Variants in BTN2A2 observed in about 807,000 individuals in gnomAD.
The protein encoded by BTN2A2 is butyrophilin subfamily 2 member A2, also known as butyrophilin 2.
A neutral mutation model predicts 34.7 loss-of-function variants in BTN2A2; 29 were observed. The observed-to-expected ratio is 0.84, with a 90% CI of 0.62 to 1.14. The LOEUF (loss-of-function observed/expected upper bound fraction) is 1.14. Among genes scored for constraint, BTN2A2 ranks in the 50% most tolerant of loss-of-function variants. The probability of loss-of-function intolerance (pLI) is 0.00; values close to 1 mark genes in which losing one functional copy is unlikely to be tolerated. For synonymous variants in BTN2A2, 240 were observed against 253.1 expected, an observed-to-expected ratio of 0.95 and a Z score of 0.49; for missense variants, 612 against 651.5, an observed-to-expected ratio of 0.94 and a Z score of 0.66.
Position 26,384,969 on chromosome 6 carries a change from G to A in BTN2A2, c.95-46G>A, listed in dbSNP as rs913548031. The A allele has an allele frequency of 3.2e-6, 5 of 1,574,890 alleles. No homozygotes were observed. The highest frequency in any genetic ancestry group is 4.3e-6 in the Non-Finnish European group (5 of 1,152,502). On this transcript the variant is annotated intron_variant, in intron 2 of 7. Transcript: ENST00000356709. The surrounding 1 kb of genome is among the most constrained non-coding windows in gnomAD (Gnocchi z 4.0). ...TTTTTGTTTTTTGTTTTGCCTTAGAGTTGTGATAACTGGCATCCTTGTCTG... is the reference window on the plus strand; with the variant it reads ...TTTTTGTTTTTTGTTTTGCCTTAGAATTGTGATAACTGGCATCCTTGTCTG...
rs761120469 is a variant in BTN2A2 at position 26,392,398 on chromosome 6, A to G, written c.1003A>G (p.Thr335Ala). 33 of 1,614,006 alleles carry G rather than the reference A, an allele frequency of 2.0e-5. No homozygotes were observed. Among genetic ancestry groups the G allele is most frequent in the African/African-American group, 2.7e-5 (2 of 74,918 alleles). Reference protein sequence around the residue: ...HAADVVLDPDTAHPELFLSED... With the variant: ...HAADVVLDPDAAHPELFLSED... ...AGCTGATGTGGTCCTGGATCCAGAC[A>G]CCGCTCATCCCGAGCTCTTCCTGTC... is the stretch of plus-strand genomic sequence containing the variant. Residue 335 changes from threonine to alanine, a missense_variant, in exon 8 of 8, where the codon ACC becomes GCC. Thr to Ala is a moderately conservative substitution (Grantham distance 58, BLOSUM62 0). Transcript: ENST00000356709.
chr6:26,391,859 T>C, intron 7 of BTN2A2: 2 of 203,114 alleles, frequency 9.8e-6, no homozygotes, highest in South Asian at 2.0e-4. Context: ...GCCACTTAAA[T>C]CAGTTGTCAC....
Position 26,383,989 on chromosome 6 carries a change from A to G in BTN2A2, c.94+74A>G, listed in dbSNP as rs1761026072. The G allele has an allele frequency of 6.7e-7, 1 of 1,503,566 alleles. No individual in the cohort carries two copies. The highest frequency in any genetic ancestry group is 9.3e-7 in the Non-Finnish European group (1 of 1,080,304). The allele number at this position is 1,503,566 out of a possible 1,614,324, so 93.1% of individuals were successfully genotyped here. A position where few individuals can be genotyped will look rare whatever the true frequency, so the allele number is the denominator to read the frequency against. ...AACCCTGTAGTCTGCAAAGGGAAAGAAGGAAGAACTGTGGGGTTGTTGACT... is the reference window on the plus strand; with the variant it reads ...AACCCTGTAGTCTGCAAAGGGAAAGGAGGAAGAACTGTGGGGTTGTTGACT... On this transcript the variant is annotated intron_variant, in intron 2 of 7. Coordinates refer to ENST00000356709, the MANE Select transcript of BTN2A2 (RefSeq NM_006995.5). This position sits in a 1 kb window ranked among gnomAD's most constrained non-coding sequence, Gnocchi z 4.4.
At chr6:26,390,600 G>T in intron 5 of BTN2A2, 87 bp from the exon 6 acceptor site, 1 of 1,543,958 alleles carries the variant, frequency 6.5e-7, no homozygotes, top group South Asian at 1.1e-5. Flanking sequence ...TCATAGAAAG[G>T]ATGGTTCCTA....
intron 3 of BTN2A2, among the ~76,000 whole-genome samples, chr6:26,386,469 C>G (rs988228548): frequency 2.6e-5 from 4 of 152,176 alleles, no homozygotes; most frequent in African/African-American, 9.7e-5. Context: ...CAAATCATAA[C>G]AGGTAGGAGA....
Position 26,385,171 on chromosome 6 carries a change from G to A in BTN2A2, c.251G>A (p.Gly84Asp). Reference sequence around the variant, plus strand: ...TCCCCCGCAGTGTTTGTGTATAAGGGTGGGAGAGAGAGAACAGAGGAGCAG... The same window carrying A: ...TCCCCCGCAGTGTTTGTGTATAAGGATGGGAGAGAGAGAACAGAGGAGCAG... ...QFSPAVFVYK[G>D]GRERTEEQME... The change falls in exon 3 of 8, where the codon GGT (glycine) becomes GAT (aspartate). Residue 84 changes from glycine (G) to aspartate (D), a missense_variant. Coordinates refer to ENST00000356709, the MANE Select transcript of BTN2A2 (RefSeq NM_006995.5). 2.5e-6 allele frequency: 4 copies of A among 1,614,144 alleles called. No homozygotes were observed. The highest frequency in any genetic ancestry group is 3.4e-6 in the Non-Finnish European group (4 of 1,180,030).
chr6:26,388,253 C>T lies in BTN2A2; in HGVS notation c.683C>T (p.Thr228Ile), dbSNP rs1038974337. 7 of 1,614,212 alleles carry T rather than the reference C, an allele frequency of 4.3e-6. No homozygotes were observed. In the South Asian group the frequency reaches 7.7e-5, roughly 18 times the overall value. ...VRNVSCSVNN[T>I]LLGQEKETVI... Reference sequence around the variant, plus strand: ...AATGTGTCCTGCTCTGTCAACAACACCCTGCTCGGCCAGGAGAAGGAAACT... The same window carrying T: ...AATGTGTCCTGCTCTGTCAACAACATCCTGCTCGGCCAGGAGAAGGAAACT... The change falls in exon 4 of 8, where the codon ACC becomes ATC. Residue 228 changes from threonine to isoleucine, a missense_variant. By Grantham distance (89) the Thr-to-Ile change is moderately conservative. Coordinates refer to ENST00000356709, the MANE Select transcript of BTN2A2 (RefSeq NM_006995.5).
chr6:26,386,995 G>A (rs1324214807), intron 3 of BTN2A2, among the ~76,000 whole-genome samples: 1 of 152,228 alleles, frequency 6.6e-6, no homozygotes, highest in Non-Finnish European at 1.5e-5. Context: ...ACTTTACAAA[G>A]GAATTATTCA....
In BTN2A2 at chr6:26,392,678, G is replaced by A. The variant is rs775939300; in HGVS notation, c.1283G>A (p.Arg428Gln). The A allele has an allele frequency of 1.4e-5, 23 of 1,614,064 alleles. No individual in the cohort carries two copies. The highest frequency in any genetic ancestry group is 6.7e-5 in the East Asian group (3 of 44,894). Reference protein sequence around the residue: ...WTLEMFGNQYRALSSPERILP... With the variant: ...WTLEMFGNQYQALSSPERILP... ...CTGGAGATGTTTGGAAACCAATACC[G>A]GGCCCTGTCCTCCCCTGAGAGGATT... Residue 428 changes from arginine (R) to glutamine (Q), a missense_variant, in exon 8 of 8, where the codon CGG becomes CAG. Physicochemically the swap from Arg to Gln is conservative, Grantham distance 43. Coordinates refer to ENST00000356709, the MANE Select transcript of BTN2A2 (RefSeq NM_006995.5).
Position 26,383,973 on chromosome 6 carries a change from G to A in BTN2A2, c.94+58G>A. ...CTCAGAAAGGAACATCAACCCTGTA[G>A]TCTGCAAAGGGAAAGAAGGAAGAAC... is the stretch of plus-strand genomic sequence containing the variant. On this transcript the variant is annotated intron_variant, in intron 2 of 7. Transcript: ENST00000356709. This position sits in a 1 kb window ranked among gnomAD's most constrained non-coding sequence, Gnocchi z 4.4. The A allele has an allele frequency of 6.5e-7, 1 of 1,547,868 alleles. No individual in the cohort carries two copies. Among genetic ancestry groups the A allele is most frequent in the Non-Finnish European group, 8.9e-7 (1 of 1,120,056 alleles).
rs1165075881 is a variant in BTN2A2 at position 26,392,520 on chromosome 6, G to A, written c.1125G>A (p.Glu375=). ...FDSQPCVLGW[E]SFASGKHYWE... is the part of the protein sequence containing the mutation. ...GTCAGCCTTGTGTCCTGGGATGGGA[G>A]AGCTTCGCCTCAGGGAAACATTACT... Residue 375 remains glutamate (E), a synonymous_variant, in exon 8 of 8, where the codon GAG becomes GAA. Transcript: ENST00000356709. The A allele has an allele frequency of 6.2e-7, 1 of 1,614,228 alleles. No individual in the cohort carries two copies. Among genetic ancestry groups the A allele is most frequent in the South Asian group, 1.1e-5 (1 of 91,088 alleles).
intron 4 of BTN2A2, among the ~76,000 whole-genome samples, chr6:26,389,624 C>T (rs149398578): frequency 6.6e-6 from 1 of 152,328 alleles, no homozygotes; most frequent in African/African-American, 2.4e-5. Flanking sequence ...AACATGATCT[C>T]ACTTGGGCTG....
rs372246478 is a variant in BTN2A2 at position 26,393,144 on chromosome 6, A to G, written c.*177A>G. On this transcript the variant is annotated 3_prime_UTR_variant, in exon 8 of 8. Coordinates refer to ENST00000356709, the MANE Select transcript of BTN2A2 (RefSeq NM_006995.5). Reference sequence around the variant, plus strand: ...CTGCCCCAGTTTTCTCCTCCTCACTAGTCTGTGGCTTTAGTAGTTCCTTTG... The same window carrying G: ...CTGCCCCAGTTTTCTCCTCCTCACTGGTCTGTGGCTTTAGTAGTTCCTTTG... The G allele has an allele frequency of 3.1e-6, 5 of 1,600,396 alleles. No individual in the cohort carries two copies. In the African/African-American group the frequency reaches 4.0e-5, roughly 13 times the overall value.
rs888450574 is a variant in BTN2A2 at position 26,384,770 on chromosome 6, A to G, written c.95-245A>G. Reference sequence around the variant, plus strand: ...CAGGGTGCCCAGGGCGGGCTCCCCAATGTTTCCTTCGTGAAGCAGGAGCAG... The same window carrying G: ...CAGGGTGCCCAGGGCGGGCTCCCCAGTGTTTCCTTCGTGAAGCAGGAGCAG... On this transcript the variant is annotated intron_variant, in intron 2 of 7. Coordinates refer to ENST00000356709, the MANE Select transcript of BTN2A2 (RefSeq NM_006995.5). This position sits in a 1 kb window ranked among gnomAD's most constrained non-coding sequence, Gnocchi z 4.0. Among the ~76,000 whole-genome samples, 10 of 152,164 alleles carry G rather than the reference A, an allele frequency of 6.6e-5. No homozygotes were observed. The highest frequency in any genetic ancestry group is 3.9e-4 in the East Asian group (2 of 5,184).
chr6:26,385,519 T>C (rs1236555909), intron 3 of BTN2A2, 157 bp downstream of exon 3: 2 of 682,606 alleles, frequency 2.9e-6, no homozygotes. Context: ...GCCACATGAG[T>C]GGGTTTGCCC....
At chr6:26,389,295 A>C (rs183590325) in intron 4 of BTN2A2, among the ~76,000 whole-genome samples, 8 of 152,310 alleles carry the variant, frequency 5.3e-5, no homozygotes, top group African/African-American at 1.7e-4. Flanking sequence ...AATTATTAAC[A>C]AGGTGGTCAG....
chr6:26,393,171 T>C lies in BTN2A2; in HGVS notation c.*204T>C. 6.3e-7 allele frequency: 1 copy of C among 1,575,576 alleles called. No homozygotes were observed. Among genetic ancestry groups the C allele is most frequent in the Non-Finnish European group, 8.6e-7 (1 of 1,162,934 alleles). On this transcript the variant is annotated 3_prime_UTR_variant, in exon 8 of 8. Transcript: ENST00000356709. The stretch of plus-strand genomic sequence containing the variant: ...TCTGTGGCTTTAGTAGTTCCTTTGC[T>C]TGTAATTATGGGATGGGATCCAGGC...
chr6:26,387,795 A>C (rs1358515292), intron 3 of BTN2A2, among the ~76,000 whole-genome samples: 1 of 152,208 alleles, frequency 6.6e-6, no homozygotes, highest in Admixed American at 6.5e-5. Flanking sequence ...CATTTATAGC[A>C]GACAGATAGA....
rs1351996824 is a variant in BTN2A2, at chr6:26,383,818, G to A, written c.-4G>A. 1.9e-6 allele frequency: 3 copies of A among 1,614,054 alleles called. No homozygotes were observed. The South Asian group carries it at 3.3e-5, about 18-fold the overall frequency. ...CCTCTGGTCTCTGCCTGCCCTGGGT[G>A]CTCATGGAACCAGCTGCTGCTCTGC... On this transcript the variant is annotated 5_prime_UTR_variant, in exon 2 of 8. Coordinates refer to ENST00000356709, the MANE Select transcript of BTN2A2 (RefSeq NM_006995.5). The surrounding 1 kb of genome is among the most constrained non-coding windows in gnomAD (Gnocchi z 4.4).
Sources: gnomAD v4.1 joint callset for allele counts (sites outside exome capture counted in the v4.1 genomes callset) on GRCh38, gnomAD v4.1.1 for gene constraint, Gnocchi (gnomAD v3.1) non-coding constraint, MANE v1.5 for transcripts, NCBI Gene and HGNC (gene_info 2026-07-23, HGNC 2026-07-21) for gene names.